The following B4GALNT2 variants were observed in gnomAD, a reference collection of about 807,000 sequenced individuals.
The protein encoded by B4GALNT2 is beta-1,4-N-acetyl-galactosaminyltransferase 2 (SID blood group).
A neutral mutation model predicts 51.1 loss-of-function variants in B4GALNT2; 42 were observed. The ratio of observed to expected loss-of-function variants is 0.82; its 90% CI spans 0.64 to 1.06. B4GALNT2 has a LOEUF of 1.06. Ranked by LOEUF, B4GALNT2 falls within the 50% of genes least tolerant of loss-of-function variation. B4GALNT2 has a pLI of 0.00. For synonymous variants in B4GALNT2, 253 were observed against 251.7 expected (o/e 1.01, Z -0.05); for missense variants, 602 against 633.6 (o/e 0.95, Z 0.54).
chr17:49,167,060 G>A (rs530494895), intron 9 of B4GALNT2, among the ~76,000 whole-genome samples: 58 of 152,310 alleles, frequency 3.8e-4, no homozygotes, highest in African/African-American at 1.3e-3. Flanking sequence ...CGTGATCACA[G>A]TTAACTCTAC....
Position 49,132,773 on chromosome 17 carries a change from T to C in B4GALNT2, c.-20T>C, listed in dbSNP as rs1392639049. On this transcript the variant is annotated 5_prime_UTR_variant, in exon 1 of 11. Coordinates refer to ENST00000393354, the MANE Select transcript of B4GALNT2 (RefSeq NM_001159387.2). ...CTAGGCTCCGTGACATCCGGCAGTC[T>C]GAGGGCGGCGGGATTCGGGATGACT... 1.4e-6 allele frequency: 2 copies of C among 1,386,218 alleles called. No individual in the cohort carries two copies. The highest frequency in any genetic ancestry group is 1.9e-6 in the Non-Finnish European group (2 of 1,068,536). 85.9% of individuals were successfully genotyped at this position (1,386,218 alleles called of 1,614,324 possible).
rs1249299807 is a variant in B4GALNT2, at chr17:49,175,533, CT to C, written c.*5806del. 1 of 152,170 alleles carries C rather than the reference CT, an allele frequency of 6.6e-6. No individual in the cohort carries two copies. Among genetic ancestry groups the C allele is most frequent in the Admixed American group, 6.5e-5 (1 of 15,272 alleles). The allele number at this position is 152,170 out of a possible 1,614,324, so 9.4% of individuals were successfully genotyped here. A position where few individuals can be genotyped will look rare whatever the true frequency, so the allele number is the denominator to read the frequency against. On this transcript the variant is annotated 3_prime_UTR_variant, in exon 11 of 11. Coordinates refer to ENST00000393354, the MANE Select transcript of B4GALNT2 (RefSeq NM_001159387.2). ...CCCCCCGGCAAGCATCCACAGACCCCTATTGGAACTTTTTGTGGGGATTCCC... is the reference window on the plus strand; with the variant it reads ...CCCCCCGGCAAGCATCCACAGACCCCATTGGAACTTTTTGTGGGGATTCCC...
rs34568226 is a variant in B4GALNT2 at position 49,162,912 on chromosome 17, C to CAAAAAA, written c.767-1158_767-1153dup. ...TGGGTGACAGAGCCAGAAACTGTCT[C>CAAAAAA]AAAAAAAAAAAAAAAAAAAAAAAGG... On this transcript the variant is annotated intron_variant, in intron 7 of 10. Coordinates refer to ENST00000393354, the MANE Select transcript of B4GALNT2 (RefSeq NM_001159387.2). Among the ~76,000 whole-genome samples, 78 of 53,378 alleles carry CAAAAAA rather than the reference C, an allele frequency of 1.5e-3. 3 individuals carry two copies. The highest frequency in any genetic ancestry group is 3.2e-3 in the African/African-American group (38 of 11,788). 35.0% of individuals were successfully genotyped at this position (53,378 alleles called of 152,430 possible). A position where few individuals can be genotyped will look rare whatever the true frequency, so the allele number is the denominator to read the frequency against.
intron 1 of B4GALNT2, among the ~76,000 whole-genome samples, chr17:49,136,401 A>G (rs1421783654): frequency 3.3e-5 from 5 of 151,934 alleles, no homozygotes; most frequent in African/African-American, 9.7e-5. Context: ...CAGGCATACA[A>G]TCGAATAAAG....
chr17:49,160,699 T>A (rs915701955), intron 7 of B4GALNT2, 58 bp downstream of exon 7: 6 of 1,462,722 alleles, frequency 4.1e-6, no homozygotes, highest in Non-Finnish European at 5.8e-6. Context: ...ATTGGTGAAA[T>A]TCAGAAGGGA....
In B4GALNT2 at chr17:49,171,958, C is replaced by A. The variant is rs1050974275; in HGVS notation, c.*2230C>A. On this transcript the variant is annotated 3_prime_UTR_variant, in exon 11 of 11. Transcript: ENST00000393354. Reference sequence around the variant, plus strand: ...TAACTGTGTCACACAGTGATTACATCCAGGCATTATTGCCAGCCAAGATTG... The same window carrying A: ...TAACTGTGTCACACAGTGATTACATACAGGCATTATTGCCAGCCAAGATTG... 17 of 270,480 alleles carry A rather than the reference C, an allele frequency of 6.3e-5. No individual in the cohort carries two copies. The highest frequency in any genetic ancestry group is 1.3e-3 in the Middle Eastern group (1 of 766). 16.8% of individuals were successfully genotyped at this position (270,480 alleles called of 1,614,324 possible).
Position 49,166,207 on chromosome 17 carries a change from A to G in B4GALNT2, c.1048A>G (p.Lys350Glu). The G allele has an allele frequency of 1.9e-6, 3 of 1,614,154 alleles. No homozygotes were observed. Among genetic ancestry groups the G allele is most frequent in the Non-Finnish European group, 2.5e-6 (3 of 1,180,018 alleles). ...DDDFLFNEET[K>E]IEVLVDVLEK... ...TGATTTTCTCTTCAACGAGGAGACC[A>G]AGATTGAGGTGCTGGTGGATGTCCT... Residue 350 changes from lysine to glutamate, a missense_variant, in exon 9 of 11, where the codon AAG becomes GAG. Coordinates refer to ENST00000393354, the MANE Select transcript of B4GALNT2 (RefSeq NM_001159387.2).
chr17:49,169,588 C>A lies in B4GALNT2; in HGVS notation c.1381C>A (p.Gln461Lys). The A allele has an allele frequency of 1.2e-6, 2 of 1,613,106 alleles. No individual in the cohort carries two copies. The highest frequency in any genetic ancestry group is 1.7e-6 in the Non-Finnish European group (2 of 1,180,006). Residue 461 changes from glutamine to lysine, a missense_variant, in exon 11 of 11, where the codon CAG becomes AAG. Transcript: ENST00000393354. ...GSCPEVIIGH[Q>K]SRSPVVDSEL... Reference sequence around the variant, plus strand: ...ATGCCCAGAAGTGATTATAGGTCACCAGTCTCGGTCTCCAGTGGTGGACTC... The same window carrying A: ...ATGCCCAGAAGTGATTATAGGTCACAAGTCTCGGTCTCCAGTGGTGGACTC...
Position 49,174,614 on chromosome 17 carries a change from A to C in B4GALNT2, c.*4886A>C, listed in dbSNP as rs1375051603. On this transcript the variant is annotated 3_prime_UTR_variant, in exon 11 of 11. Coordinates refer to ENST00000393354, the MANE Select transcript of B4GALNT2 (RefSeq NM_001159387.2). ...ACCTGATTTTTTCTTAATTATAAAA[A>C]CTGGAGAGTTCCAAGGGGAAAATGT... is the stretch of plus-strand genomic sequence containing the variant. The C allele has an allele frequency of 1.3e-5, 2 of 152,170 alleles. No homozygotes were observed. Among genetic ancestry groups the C allele is most frequent in the Admixed American group, 1.3e-4 (2 of 15,278 alleles). 9.4% of individuals were successfully genotyped at this position (152,170 alleles called of 1,614,324 possible).
chr17:49,160,208 A>G (rs575768005), intron 6 of B4GALNT2, among the ~76,000 whole-genome samples: 1 of 152,350 alleles, frequency 6.6e-6, no homozygotes, highest in Non-Finnish European at 1.5e-5. Context: ...CCTGTGAGAT[A>G]AAATAGGGTG....
intron 4 of B4GALNT2, among the ~76,000 whole-genome samples, chr17:49,153,468 C>T (rs2042778780): frequency 6.6e-6 from 1 of 151,434 alleles, no homozygotes; most frequent in Non-Finnish European, 1.5e-5. Flanking sequence ...TTCATTGGTA[C>T]CTGCTGTGTA....
At chr17:49,150,483 G>C (rs1351119124) in intron 3 of B4GALNT2, among the ~76,000 whole-genome samples, 13 of 152,036 alleles carry the variant, frequency 8.6e-5, no homozygotes, top group African/African-American at 2.7e-4. Flanking sequence ...AATAGAAAGC[G>C]GGGAAGGGTG....
rs758008790 is a variant in B4GALNT2 at position 49,141,222 on chromosome 17, A to C, written c.15-25A>C. 10 of 1,597,840 alleles carry C rather than the reference A, an allele frequency of 6.3e-6. No homozygotes were observed. In the South Asian group the frequency reaches 1.1e-4, roughly 18 times the overall value. ...TAATCAAGAAAAAAGATTTTAACAT[A>C]ATCTGTTCTTTTGTGTCCCAACAGC... On this transcript the variant is annotated intron_variant, in intron 1 of 10. Transcript: ENST00000393354.
At position 49,172,368 on chromosome 17, in the gene B4GALNT2, C is replaced by T. The variant is rs921311414; in HGVS notation, c.*2640C>T. The T allele has an allele frequency of 6.4e-6, 1 of 157,448 alleles. No individual in the cohort carries two copies. The highest frequency in any genetic ancestry group is 1.4e-5 in the Non-Finnish European group (1 of 70,964). 9.8% of individuals were successfully genotyped at this position (157,448 alleles called of 1,614,324 possible). A position where few individuals can be genotyped will look rare whatever the true frequency, so the allele number is the denominator to read the frequency against. On this transcript the variant is annotated 3_prime_UTR_variant, in exon 11 of 11. Transcript: ENST00000393354. ...AGAAACACAAGCATAACCTCTACCC[C>T]AAGTTATTATTTTACCTATTTCCCA...
In B4GALNT2 at chr17:49,173,144, T is replaced by C. The variant is rs556004177; in HGVS notation, c.*3416T>C. The C allele has an allele frequency of 5.0e-4, 76 of 152,358 alleles. No individual in the cohort carries two copies. Among genetic ancestry groups the C allele is most frequent in the African/African-American group, 1.7e-3 (72 of 41,584 alleles). The allele number at this position is 152,358 out of a possible 1,614,324, so 9.4% of individuals were successfully genotyped here. The stretch of plus-strand genomic sequence containing the variant: ...AGTTAAAGGTCCTGGAAGAGGTGTA[T>C]GAGCCCTAATGTGAGTGATGTAAAA... On this transcript the variant is annotated 3_prime_UTR_variant, in exon 11 of 11. Coordinates refer to ENST00000393354, the MANE Select transcript of B4GALNT2 (RefSeq NM_001159387.2).
chr17:49,133,266 G>A (rs2042558001), intron 1 of B4GALNT2: 1 of 1,440,442 alleles, frequency 6.9e-7, no homozygotes, highest in Non-Finnish European at 9.0e-7. Flanking sequence ...GGACAGTCGG[G>A]GAGCCCGGCG....
chr17:49,142,563 A>C (rs1163302390), intron 3 of B4GALNT2, among the ~76,000 whole-genome samples: 1 of 152,042 alleles, frequency 6.6e-6, no homozygotes, highest in Non-Finnish European at 1.5e-5. Flanking sequence ...ATGATGGTAC[A>C]TGCCTGTAGT....
chr17:49,123,757 A>C, the B4GALNT2 span, among the ~76,000 whole-genome samples: 1 of 152,198 alleles, frequency 6.6e-6, no homozygotes, highest in Non-Finnish European at 1.5e-5. Flanking sequence ...GGCCTATCAG[A>C]AAGTGACATT....
chr17:49,164,724 CTCTTGTCCTTAGGTGATCCGCCTA>C (rs1184249592), intron 8 of B4GALNT2, among the ~76,000 whole-genome samples: 1 of 152,004 alleles, frequency 6.6e-6, no homozygotes, highest in Non-Finnish European at 1.5e-5. Flanking sequence ...TGGTCTCAAA[CTCTTGTCCTTAGGTGATCCGCCTA>C]TCTTGGCCTC....
Sources: gnomAD v4.1 joint callset for allele counts (sites outside exome capture counted in the v4.1 genomes callset) on GRCh38, gnomAD v4.1.1 for gene constraint, MANE v1.5 for transcripts, NCBI Gene and HGNC (gene_info 2026-07-23, HGNC 2026-07-21) for gene names.